Variants in CNKSR3 observed in about 807,000 individuals in gnomAD.
The protein encoded by CNKSR3 is CNKSR family member 3, also known as connector enhancer of kinase suppressor of ras 3.
CNKSR3 carries 36 observed loss-of-function variants against 67.7 expected under a neutral mutation model. The ratio of observed to expected loss-of-function variants is 0.53; its 90% CI spans 0.41 to 0.70. CNKSR3 has a LOEUF of 0.70. Ranked by LOEUF, CNKSR3 falls within the 30% of genes least tolerant of loss-of-function variation. The pLI is 0.00. For missense variants in CNKSR3, 630 were observed against 695.2 expected, an observed-to-expected ratio of 0.91 and a Z score of 1.05; for synonymous variants, 281 against 271.4, an observed-to-expected ratio of 1.04 and a Z score of -0.35.
chr6:154,415,020 C>T (rs1003584062), intron 9 of CNKSR3, among the ~76,000 whole-genome samples: 5 of 148,614 alleles, frequency 3.4e-5, no homozygotes, highest in African/African-American at 1.3e-4. Context: ...ATTGCTTGAG[C>T]CCAGGAGGCA....
rs1784767260 is a variant in CNKSR3, at chr6:154,405,415, A to C, written c.*939T>G. 6.6e-6 allele frequency: 1 copy of C among 152,662 alleles called. No homozygotes were observed. The highest frequency in any genetic ancestry group is 6.5e-5 in the Admixed American group (1 of 15,286). The allele number at this position is 152,662 out of a possible 1,614,324, so 9.5% of individuals were successfully genotyped here. On this transcript the variant is annotated 3_prime_UTR_variant, in exon 13 of 13. Transcript: ENST00000607772. ...TAAACAAGAGTTAATATCCAGACACACGTTTTCAAAATACCTGATGCTAGT... is the reference window on the plus strand; with the variant it reads ...TAAACAAGAGTTAATATCCAGACACCCGTTTTCAAAATACCTGATGCTAGT...
chr6:154,440,515 T>A (rs975939105), intron 4 of CNKSR3, among the ~76,000 whole-genome samples: 12 of 152,180 alleles, frequency 7.9e-5, no homozygotes, highest in African/African-American at 1.9e-4. Context: ...AAATTTTTTT[T>A]TAAATTAAGA....
rs1784648836 is a variant in CNKSR3 at position 154,395,226 on chromosome 6, C to T, written c.*11128G>A. 1 of 152,138 alleles carries T rather than the reference C, an allele frequency of 6.6e-6. No homozygotes were observed. Among genetic ancestry groups the T allele is most frequent in the Non-Finnish European group, 1.5e-5 (1 of 68,038 alleles). 9.4% of individuals were successfully genotyped at this position (152,138 alleles called of 1,614,324 possible). A position where few individuals can be genotyped will look rare whatever the true frequency, so the allele number is the denominator to read the frequency against. The stretch of plus-strand genomic sequence containing the variant: ...CCAAGAAGAGAATTCAATCCCATTT[C>T]CCATGTAATGAGTGAAGGGTAGTCT... On this transcript the variant is annotated 3_prime_UTR_variant, in exon 13 of 13. Coordinates refer to ENST00000607772, the MANE Select transcript of CNKSR3 (RefSeq NM_173515.4).
intron 1 of CNKSR3, among the ~76,000 whole-genome samples, chr6:154,456,325 G>A (rs1785953087): frequency 6.6e-6 from 1 of 151,486 alleles, no homozygotes; most frequent in Admixed American, 6.6e-5. Context: ...GTTTTGTTTT[G>A]TTTTTTTAAT....
chr6:154,484,678 G>A (rs1448925139), intron 1 of CNKSR3, among the ~76,000 whole-genome samples: 2 of 140,982 alleles, frequency 1.4e-5, no homozygotes, highest in African/African-American at 5.8e-5. Context: ...CTCCAGCCTG[G>A]GCAACAGAGC....
chr6:154,401,748 C>T lies in CNKSR3; in HGVS notation c.*4606G>A, dbSNP rs1784719860. 1 of 152,212 alleles carries T rather than the reference C, an allele frequency of 6.6e-6. No individual in the cohort carries two copies. The highest frequency in any genetic ancestry group is 1.5e-5 in the Non-Finnish European group (1 of 68,046). The allele number at this position is 152,212 out of a possible 1,614,324, so 9.4% of individuals were successfully genotyped here. A position where few individuals can be genotyped will look rare whatever the true frequency, so the allele number is the denominator to read the frequency against. The stretch of plus-strand genomic sequence containing the variant: ...TGAACTAATGGTCTACAAAACTAAT[C>T]TCATCTACAATAGAAGAAAACAAGT... On this transcript the variant is annotated 3_prime_UTR_variant, in exon 13 of 13. Coordinates refer to ENST00000607772, the MANE Select transcript of CNKSR3 (RefSeq NM_173515.4).
chr6:154,415,952 T>A (rs1268211113), intron 9 of CNKSR3, among the ~76,000 whole-genome samples: 1 of 152,126 alleles, frequency 6.6e-6, no homozygotes, highest in Non-Finnish European at 1.5e-5. Flanking sequence ...TGAAGGCCAG[T>A]GAGACTGTGC....
Position 154,422,262 on chromosome 6 carries a change from A to T in CNKSR3, c.945+244T>A, listed in dbSNP as rs142093939. 1.8e-3 allele frequency among the ~76,000 whole-genome samples: 270 copies of T among 152,310 alleles called. 2 individuals are homozygous for T. The highest frequency in any genetic ancestry group is 6.1e-3 in the African/African-American group (252 of 41,576). ...CCGCCTCAGCCTCCCAAGTGCTGGG[A>T]TTACAGGCGTGAGCCACCGCGCCTG... On this transcript the variant is annotated intron_variant, in intron 9 of 12. Transcript: ENST00000607772.
At chr6:154,444,555 T>G (rs1785667184) in intron 2 of CNKSR3, among the ~76,000 whole-genome samples, 1 of 151,652 alleles carries the variant, frequency 6.6e-6, no homozygotes, top group Non-Finnish European at 1.5e-5. Context: ...ACAAGCTGAA[T>G]AGCTATTCAG....
At chr6:154,462,257 C>T (rs767558511) in intron 1 of CNKSR3, among the ~76,000 whole-genome samples, 1 of 136,020 alleles carries the variant, frequency 7.4e-6, no homozygotes, top group Non-Finnish European at 1.6e-5. Context: ...TATACAATAA[C>T]GTTGTATAAG....
chr6:154,475,334 G>GCGC (rs1458591852), intron 1 of CNKSR3, among the ~76,000 whole-genome samples: 2 of 152,110 alleles, frequency 1.3e-5, no homozygotes, highest in Admixed American at 6.5e-5. Context: ...CTCCCCCTGG[G>GCGC]CGCCCTTCCC....
At chr6:154,508,808 A>T (rs1787153754) in intron 1 of CNKSR3, among the ~76,000 whole-genome samples, 2 of 152,244 alleles carry the variant, frequency 1.3e-5, no homozygotes, top group Admixed American at 1.3e-4. Flanking sequence ...ATGGTCAGAC[A>T]TACCCACTGA....
intron 1 of CNKSR3, among the ~76,000 whole-genome samples, chr6:154,495,387 T>G (rs1325978137): frequency 2.0e-5 from 3 of 146,594 alleles, no homozygotes; most frequent in African/African-American, 5.1e-5. Flanking sequence ...AAGAGAGAGA[T>G]AGCTTTTGGG....
chr6:154,414,311 G>T lies in CNKSR3; in HGVS notation c.1058C>A (p.Pro353His). The change falls in exon 10 of 13, where the codon CCC (proline) becomes CAC (histidine). Residue 353 changes from proline (P) to histidine (H), a missense_variant. Pro to His is a moderately conservative substitution (Grantham distance 77). Coordinates refer to ENST00000607772, the MANE Select transcript of CNKSR3 (RefSeq NM_173515.4). Reference sequence around the variant, plus strand: ...GACAGCAACATACCGGGGAGAGTAGGGAACAGCAGGCGGAGGAGGAATATA... The same window carrying T: ...GACAGCAACATACCGGGGAGAGTAGTGAACAGCAGGCGGAGGAGGAATATA... The part of the protein sequence containing the change: ...DLYIPPPPAV[P>H]YSPRDENGSF... 1 of 1,603,310 alleles carries T rather than the reference G, an allele frequency of 6.2e-7. No individual in the cohort carries two copies.
intron 1 of CNKSR3, among the ~76,000 whole-genome samples, chr6:154,453,261 G>A (rs11963446): frequency 0.023 from 3,433 of 152,224 alleles, 71 homozygotes; most frequent in African/African-American, 0.053. Flanking sequence ...TTAACGAACC[G>A]AAAAATTCAC....
chr6:154,450,216 C>T lies in CNKSR3; in HGVS notation c.95G>A (p.Arg32Gln), dbSNP rs145101842. ...CAGCTGCTCGCCGTTGATCTTCTCTCGTTCAAACTTGTGGACATATTGTTG... is the reference window on the plus strand; with the variant it reads ...CAGCTGCTCGCCGTTGATCTTCTCTTGTTCAAACTTGTGGACATATTGTTG... ...CLQQYVHKFEREKINGEQLLQ... is the reference protein window; with the variant it reads ...CLQQYVHKFEQEKINGEQLLQ... Residue 32 changes from arginine to glutamine, a missense_variant, in exon 2 of 13, where the codon CGA becomes CAA. This residue lies in a region of CNKSR3 where 189 missense variants were observed against 205.0 expected (regional missense o/e 0.92). Transcript: ENST00000607772. The T allele has an allele frequency of 3.2e-5, 51 of 1,614,190 alleles. No homozygotes were observed. Among genetic ancestry groups the T allele is most frequent in the African/African-American group, 5.3e-5 (4 of 75,040 alleles).
rs889531718 is a variant in CNKSR3, at chr6:154,420,377, C to T, written c.945+2129G>A. Among the ~76,000 whole-genome samples, 5 of 152,036 alleles carry T rather than the reference C, an allele frequency of 3.3e-5. 1 individual carries two copies. Among genetic ancestry groups the T allele is most frequent in the Non-Finnish European group, 5.9e-5 (4 of 68,014 alleles). On this transcript the variant is annotated intron_variant, in intron 9 of 12. Transcript: ENST00000607772. The stretch of plus-strand genomic sequence containing the variant: ...AGCTCAAGAGATCTATTGTATAGCA[C>T]AGTGACTATAGTTAATAAAAATGCA...
In CNKSR3 at chr6:154,402,614, T is replaced by C. The variant is rs1326420414; in HGVS notation, c.*3740A>G. On this transcript the variant is annotated 3_prime_UTR_variant, in exon 13 of 13. Transcript: ENST00000607772. ...ATATGCAAAACGGGACTAACAGCAG[T>C]ACTCACCTCATAGATTTATTAGAAA... The C allele has an allele frequency of 6.6e-6, 1 of 152,214 alleles. No homozygotes were observed. Among genetic ancestry groups the C allele is most frequent in the Non-Finnish European group, 1.5e-5 (1 of 68,038 alleles). The allele number at this position is 152,214 out of a possible 1,614,324, so 9.4% of individuals were successfully genotyped here. A position where few individuals can be genotyped will look rare whatever the true frequency, so the allele number is the denominator to read the frequency against.
At chr6:154,493,176 G>A (rs1786815136) in intron 1 of CNKSR3, among the ~76,000 whole-genome samples, 1 of 152,044 alleles carries the variant, frequency 6.6e-6, no homozygotes, top group African/African-American at 2.4e-5. Flanking sequence ...GACCGTCTCA[G>A]GACACATGCA....
Sources: gnomAD v4.1 joint callset for allele counts (sites outside exome capture counted in the v4.1 genomes callset) on GRCh38, gnomAD v4.1.1 for gene constraint, gnomAD v4.1.1 regional missense constraint, MANE v1.5 for transcripts, NCBI Gene and HGNC (gene_info 2026-07-23, HGNC 2026-07-21) for gene names.